The following FHIT variants were observed in gnomAD, a reference collection of about 807,000 sequenced individuals.
FHIT encodes bis(5'-adenosyl)-triphosphatase.
FHIT carries 19 observed loss-of-function variants against 17.9 expected under a neutral mutation model. That is an observed-to-expected ratio of 1.06 (90% CI 0.74 to 1.56). The LOEUF (loss-of-function observed/expected upper bound fraction) is 1.56, where lower values mean the gene tolerates loss of function less well. Ranked by LOEUF, FHIT falls within the 40% of genes most tolerant of loss-of-function variation. The pLI is 0.00. For synonymous variants in FHIT, 81 were observed against 69.7 expected (o/e 1.16, Z -0.81); for missense variants, 248 against 189.2 (o/e 1.31, Z -1.82).
At chr3:60,446,896 TAATAAA>T (rs1277664811) in intron 5 of FHIT, among the ~76,000 whole-genome samples, 14 of 131,558 alleles carry the variant, frequency 1.1e-4, no homozygotes, top group African/African-American at 2.7e-4. Context: ...ATAATAATAA[TAATAAA>T]AAGCCTTCAG....
intron 5 of FHIT, among the ~76,000 whole-genome samples, chr3:60,506,752 A>G (rs1407945101): frequency 1.3e-5 from 2 of 152,138 alleles, no homozygotes; most frequent in Admixed American, 1.3e-4. Flanking sequence ...GCCTGCGTAA[A>G]TGGAATGAGA....
chr3:60,815,747 GT>G (rs1701720278), intron 4 of FHIT, among the ~76,000 whole-genome samples: 1 of 151,934 alleles, frequency 6.6e-6, no homozygotes, highest in African/African-American at 2.4e-5. Context: ...CTTTATAATA[GT>G]TTTTTCCAGT....
chr3:60,193,019 A>G (rs1702475225), intron 5 of FHIT, among the ~76,000 whole-genome samples: 1 of 152,206 alleles, frequency 6.6e-6, no homozygotes, highest in Non-Finnish European at 1.5e-5. Context: ...CCGAAAACTA[A>G]AGGGATGACA....
chr3:61,026,544 A>T (rs187482227), intron 3 of FHIT, among the ~76,000 whole-genome samples: 1 of 152,342 alleles, frequency 6.6e-6, no homozygotes, highest in East Asian at 1.9e-4. Flanking sequence ...AAATACTTTA[A>T]AGCAAACTTG....
At chr3:60,451,507 C>T (rs1404458415) in intron 5 of FHIT, among the ~76,000 whole-genome samples, 1 of 151,998 alleles carries the variant, frequency 6.6e-6, no homozygotes, top group Non-Finnish European at 1.5e-5. Flanking sequence ...AAAATGAAAC[C>T]ATATAGTACA....
intron 4 of FHIT, among the ~76,000 whole-genome samples, chr3:60,592,014 A>G (rs1176057160): frequency 1.3e-5 from 2 of 151,952 alleles, no homozygotes; most frequent in Non-Finnish European, 2.9e-5. Context: ...AGGTGGGGAA[A>G]AAAGAAACAG....
At chr3:60,188,539 G>C (rs1219099333) in intron 5 of FHIT, among the ~76,000 whole-genome samples, 1 of 152,092 alleles carries the variant, frequency 6.6e-6, no homozygotes, top group African/African-American at 2.4e-5. Flanking sequence ...TTAATGAGTA[G>C]TGAAAGCTTT....
At chr3:60,026,653 T>TA (rs1014483235) in intron 5 of FHIT, among the ~76,000 whole-genome samples, 1 of 152,034 alleles carries the variant, frequency 6.6e-6, no homozygotes, top group Non-Finnish European at 1.5e-5. Context: ...TTGCTAACAA[T>TA]AAAAAAAATC....
At chr3:61,210,532 C>T (rs1043286651) in intron 1 of FHIT, among the ~76,000 whole-genome samples, 7 of 152,254 alleles carry the variant, frequency 4.6e-5, no homozygotes, top group Admixed American at 6.5e-5. Flanking sequence ...AGCCTCGCTG[C>T]CGCCTTGCAG....
chr3:60,300,649 T>C (rs1273381665), intron 5 of FHIT, among the ~76,000 whole-genome samples: 2 of 152,232 alleles, frequency 1.3e-5, no homozygotes, highest in South Asian at 4.1e-4. Flanking sequence ...GGGCATGTTA[T>C]TGCACTCCGA....
At chr3:60,381,797 G>C (rs4679533) in intron 5 of FHIT, among the ~76,000 whole-genome samples, 15,293 of 146,268 alleles carry the variant, frequency 0.1, 1,628 homozygotes, top group Admixed American at 0.24. Flanking sequence ...AGGCTTAATA[G>C]TGTGATGATA....
chr3:60,130,766 T>G (rs62240247), intron 5 of FHIT, among the ~76,000 whole-genome samples: 23,530 of 47,022 alleles, frequency 0.5, 2,278 homozygotes, highest in Non-Finnish European at 0.52. Flanking sequence ...GTGTGTGTGT[T>G]TGTGTGTGTG....
At chr3:61,201,921 T>A (rs2039025415) in intron 1 of FHIT, among the ~76,000 whole-genome samples, 1 of 152,150 alleles carries the variant, frequency 6.6e-6, no homozygotes, top group South Asian at 2.1e-4. Context: ...AATACAATAA[T>A]GACTTAAAAT....
In FHIT at chr3:60,337,621, G is replaced by A. The variant is rs112872791; in HGVS notation, c.103+199239C>T. 4.2e-3 allele frequency among the ~76,000 whole-genome samples: 640 copies of A among 152,238 alleles called. 4 individuals are homozygous for A. The highest frequency in any genetic ancestry group is 0.014 in the African/African-American group (581 of 41,530). On this transcript the variant is annotated intron_variant, in intron 5 of 9. Coordinates refer to ENST00000492590, the MANE Select transcript of FHIT (RefSeq NM_002012.4). The stretch of plus-strand genomic sequence containing the variant: ...CACAGACCACTCATATCCCTCAGAG[G>A]CTTTCATGGTGGACAAGTTAGCCGT...
chr3:59,933,978 AG>A (rs1706099193), intron 7 of FHIT, among the ~76,000 whole-genome samples: 1 of 152,154 alleles, frequency 6.6e-6, no homozygotes, highest in African/African-American at 2.4e-5. Flanking sequence ...GGGAGGGAAA[AG>A]AAATACTTTA....
rs539537220 is a variant in FHIT, at chr3:60,682,830, A to T, written c.-18+139089T>A. On this transcript the variant is annotated intron_variant, in intron 4 of 9. Transcript: ENST00000492590. ...TATCAGATTGATCTGGGCAAAGTAA[A>T]ATGAAAACCTTCTGGAAAGGATTCA... Among the ~76,000 whole-genome samples, 19 of 152,346 alleles carry T rather than the reference A, an allele frequency of 1.2e-4. No homozygotes were observed. The East Asian group carries it at 3.7e-3, about 29-fold the overall frequency.
At chr3:60,283,762 A>G (rs1346274574) in intron 5 of FHIT, among the ~76,000 whole-genome samples, 1 of 152,132 alleles carries the variant, frequency 6.6e-6, no homozygotes, top group Non-Finnish European at 1.5e-5. Flanking sequence ...AAGTGTAAAA[A>G]TGTATGCAAT....
At chr3:61,027,377 G>A (rs954937047) in intron 3 of FHIT, among the ~76,000 whole-genome samples, 7 of 152,182 alleles carry the variant, frequency 4.6e-5, no homozygotes, top group East Asian at 1.9e-4. Flanking sequence ...TTGTGCCAGC[G>A]CACCCGGCCC....
At chr3:59,969,655 G>T (rs755142219) in intron 7 of FHIT, among the ~76,000 whole-genome samples, 1 of 152,052 alleles carries the variant, frequency 6.6e-6, no homozygotes, top group African/African-American at 2.4e-5. Context: ...GCGTACTTGC[G>T]TGTATTAGAT....
Sources: gnomAD v4.1 joint callset for allele counts (sites outside exome capture counted in the v4.1 genomes callset) on GRCh38, gnomAD v4.1.1 for gene constraint, MANE v1.5 for transcripts, NCBI Gene and HGNC (gene_info 2026-07-23, HGNC 2026-07-21) for gene names.